Variants in PAICS observed in about 807,000 individuals in gnomAD.
PAICS encodes the protein phosphoribosylaminoimidazole carboxylase and phosphoribosylaminoimidazolesuccinocarboxamide synthase, also known as bifunctional phosphoribosylaminoimidazole carboxylase/phosphoribosylaminoimidazole succinocarboxamide synthetase.
A neutral mutation model predicts 53.7 loss-of-function variants in PAICS; 33 were observed. The ratio of observed to expected loss-of-function variants is 0.61; its 90% CI spans 0.47 to 0.82. The LOEUF (loss-of-function observed/expected upper bound fraction) is 0.82, where lower values mean the gene tolerates loss of function less well. Ranked by LOEUF, PAICS falls within the 40% of genes least tolerant of loss-of-function variation. The pLI is 0.00. For missense variants in PAICS, 394 were observed against 494.1 expected, an observed-to-expected ratio of 0.80 and a Z score of 1.92; for synonymous variants, 141 against 167.2, an observed-to-expected ratio of 0.84 and a Z score of 1.21.
the PAICS span, chr4:56,420,093 A>C: frequency 1.5e-6 from 1 of 667,448 alleles, no homozygotes; most frequent in Non-Finnish European, 1.9e-6. Context: ...GTTACATCAC[A>C]CAGGTTCAAG....
At chr4:56,425,782 C>T in the PAICS span, among the ~76,000 whole-genome samples, 1 of 152,152 alleles carries the variant, frequency 6.6e-6, no homozygotes, top group Non-Finnish European at 1.5e-5. Flanking sequence ...GAGAGTGGGG[C>T]TGGAGGTTGA....
chr4:56,418,472 A>G, the PAICS span, among the ~76,000 whole-genome samples: 1 of 152,064 alleles, frequency 6.6e-6, no homozygotes, highest in East Asian at 1.9e-4. Flanking sequence ...GGCACATGCC[A>G]CCAAGCCTGG....
Position 56,452,946 on chromosome 4 carries a change from A to T in PAICS, c.953-657A>T, listed in dbSNP as rs184301354. On this transcript the variant is annotated intron_variant, in intron 7 of 8. Coordinates refer to ENST00000512576, the MANE Select transcript of PAICS (RefSeq NM_001079524.2). ...TTTTGGGGGAGTGGGAGGTTGGGGG[A>T]ACTCAGACTCCTTTGATAGCTAATG... Among the ~76,000 whole-genome samples, 678 of 152,148 alleles carry T rather than the reference A, an allele frequency of 4.5e-3. 7 individuals are homozygous for T. The highest frequency in any genetic ancestry group is 0.016 in the African/African-American group (652 of 41,492).
upstream of PAICS, among the ~76,000 whole-genome samples, chr4:56,433,207 G>A (rs1717694659): frequency 6.6e-6 from 1 of 151,606 alleles, no homozygotes; most frequent in Non-Finnish European, 1.5e-5. Context: ...AGCCCTCTTT[G>A]TGCACCTTAA....
At chr4:56,435,680 C>A (rs929815786), upstream of PAICS, 4 of 1,449,808 alleles carry the variant, frequency 2.8e-6, no homozygotes, top group African/African-American at 2.8e-5. Flanking sequence ...CCTCCGAGTC[C>A]ACCAACGAGC....
chr4:56,442,487 G>A (rs1463984689), intron 2 of PAICS, among the ~76,000 whole-genome samples: 2 of 152,152 alleles, frequency 1.3e-5, no homozygotes, highest in East Asian at 3.9e-4. Context: ...GCAAAGGGAA[G>A]GAAATTAGGA....
chr4:56,449,686 G>C (rs1007036699), intron 5 of PAICS, among the ~76,000 whole-genome samples: 1 of 151,418 alleles, frequency 6.6e-6, no homozygotes, highest in Non-Finnish European at 1.5e-5. Flanking sequence ...CCATAAAAAA[G>C]AATGAGATTG....
chr4:56,435,694 G>A (rs1445550578), upstream of PAICS: 5 of 1,458,698 alleles, frequency 3.4e-6, no homozygotes, highest in Non-Finnish European at 4.5e-6. Context: ...AACGAGCGAG[G>A]GCGGAGGGGC....
the PAICS span, among the ~76,000 whole-genome samples, chr4:56,426,578 A>T: frequency 6.6e-6 from 1 of 152,150 alleles, no homozygotes; most frequent in African/African-American, 2.4e-5. Flanking sequence ...TTCACGGTTC[A>T]TCCACGTTGT....
chr4:56,429,684 CAA>C, the PAICS span, among the ~76,000 whole-genome samples: 1 of 152,188 alleles, frequency 6.6e-6, no homozygotes, highest in African/African-American at 2.4e-5. Flanking sequence ...TTAGTTAACA[CAA>C]AAAATTGAAG....
chr4:56,417,842 G>GTTTTTTTT, the PAICS span, among the ~76,000 whole-genome samples: 2 of 136,166 alleles, frequency 1.5e-5, no homozygotes, highest in Admixed American at 7.2e-5. Flanking sequence ...TTGGTTTTTT[G>GTTTTTTTT]TTTTTTTTTT....
intron 5 of PAICS, among the ~76,000 whole-genome samples, chr4:56,449,524 C>T (rs916490514): frequency 1.1e-4 from 16 of 152,058 alleles, no homozygotes; most frequent in South Asian, 2.1e-4. Flanking sequence ...TGGGTATATA[C>T]CCAAAGGAAT....
chr4:56,457,792 G>GGCAT (rs1220713784), intron 8 of PAICS, among the ~76,000 whole-genome samples: 17 of 151,610 alleles, frequency 1.1e-4, no homozygotes, highest in Non-Finnish European at 1.9e-4. Context: ...TGAAATCACA[G>GGCAT]GCATGCACCA....
intron 1 of PAICS, among the ~76,000 whole-genome samples, chr4:56,437,298 T>TGTGTGTGTGTGTGTG (rs1560655715): frequency 2.0e-5 from 3 of 147,844 alleles, no homozygotes; most frequent in African/African-American, 7.5e-5. Context: ...TGTGTGTGTG[T>TGTGTGTGTGTGTGTG]TCGTTCCAGT....
At chr4:56,417,277 T>A in the PAICS span, among the ~76,000 whole-genome samples, 5 of 152,024 alleles carry the variant, frequency 3.3e-5, no homozygotes, top group African/African-American at 4.8e-5. Context: ...ACATTAAATA[T>A]TTGTAACCTA....
At chr4:56,435,281 C>A (rs916697646), upstream of PAICS, 6 of 1,598,918 alleles carry the variant, frequency 3.8e-6, no homozygotes, top group Middle Eastern at 1.7e-4. Context: ...CTCATGAGAA[C>A]GCCGACTGCG....
At chr4:56,436,824 G>A (rs1220866935) in intron 1 of PAICS, among the ~76,000 whole-genome samples, 1 of 152,096 alleles carries the variant, frequency 6.6e-6, no homozygotes, top group Non-Finnish European at 1.5e-5. Flanking sequence ...GCGAAACCCC[G>A]TCTCTTACTA....
At chr4:56,425,705 TAGTCACC>T in the PAICS span, among the ~76,000 whole-genome samples, 1 of 151,928 alleles carries the variant, frequency 6.6e-6, no homozygotes, top group Non-Finnish European at 1.5e-5. Flanking sequence ...GGATAGGGGG[TAGTCACC>T]GAAAAAGACC....
At chr4:56,433,388 G>A (rs1429979712), upstream of PAICS, among the ~76,000 whole-genome samples, 2 of 128,158 alleles carry the variant, frequency 1.6e-5, no homozygotes, top group African/African-American at 6.0e-5. Flanking sequence ...GGAATCAAAT[G>A]GTATTCATTA....
Sources: allele counts gnomAD v4.1 joint callset (sites outside exome capture counted in the v4.1 genomes callset), GRCh38; gene constraint gnomAD v4.1.1; transcripts MANE v1.5; gene names NCBI Gene and HGNC (gene_info 2026-07-23, HGNC 2026-07-21).